The following RERE variants were observed in gnomAD, a reference collection of about 807,000 sequenced individuals.
The protein encoded by RERE is arginine-glutamic acid dipeptide repeats, also known as arginine-glutamic acid dipeptide repeats protein.
RERE carries 40 observed loss-of-function variants against 146.1 expected under a neutral mutation model. The observed-to-expected ratio is 0.27, with a 90% CI of 0.21 to 0.36. The LOEUF (loss-of-function observed/expected upper bound fraction) is 0.36. Among genes scored for constraint, RERE ranks in the 10% least tolerant of loss-of-function variants. The pLI is 1.00. For synonymous variants in RERE, 1,003 were observed against 866.0 expected, an observed-to-expected ratio of 1.16 and a Z score of -2.78; for missense variants, 1,933 against 2,138.7, an observed-to-expected ratio of 0.90 and a Z score of 1.90.
intron 1 of RERE, among the ~76,000 whole-genome samples, chr1:8,800,309 T>C (rs540662480): frequency 2.0e-5 from 3 of 151,376 alleles, no homozygotes; most frequent in African/African-American, 7.3e-5. Context: ...GAAATTGCAG[T>C]CTTTAAAGAG....
intron 1 of RERE, among the ~76,000 whole-genome samples, chr1:8,784,595 G>T (rs1305973337): frequency 6.6e-6 from 1 of 151,996 alleles, no homozygotes; most frequent in Non-Finnish European, 1.5e-5. Flanking sequence ...TCTTTTTCTG[G>T]AAACAGAATT....
chr1:8,681,801 T>A (rs1363181828), intron 1 of RERE, among the ~76,000 whole-genome samples: 1 of 152,186 alleles, frequency 6.6e-6, no homozygotes, highest in Non-Finnish European at 1.5e-5. Flanking sequence ...AGAAGTTTAA[T>A]CTTTAGTTGA....
intron 6 of RERE, among the ~76,000 whole-genome samples, chr1:8,547,952 C>A (rs1645885834): frequency 6.6e-6 from 1 of 152,066 alleles, no homozygotes. Flanking sequence ...CTAGGAACAA[C>A]GTAAATGCTC....
intron 1 of RERE, among the ~76,000 whole-genome samples, chr1:8,795,353 A>G (rs1028427159): frequency 6.6e-6 from 1 of 151,402 alleles, no homozygotes; most frequent in Admixed American, 6.6e-5. Flanking sequence ...TTTAGGAGAC[A>G]AAGTTTTCTA....
At chr1:8,775,157 C>T (rs930742523) in intron 1 of RERE, among the ~76,000 whole-genome samples, 3 of 151,806 alleles carry the variant, frequency 2.0e-5, no homozygotes, top group Non-Finnish European at 4.4e-5. Context: ...GACGGGGTTT[C>T]ACCATGTTGG....
At chr1:8,636,938 C>T (rs1301492544) in intron 2 of RERE, among the ~76,000 whole-genome samples, 3 of 152,136 alleles carry the variant, frequency 2.0e-5, no homozygotes, top group East Asian at 1.9e-4. Context: ...TCAGTATTTT[C>T]GGCCACTTTA....
intron 10 of RERE, among the ~76,000 whole-genome samples, chr1:8,475,390 AT>A (rs1266446499): frequency 2.5e-5 from 3 of 118,270 alleles, no homozygotes; most frequent in African/African-American, 9.5e-5. Flanking sequence ...AAAAAAAAAA[AT>A]TCTTGGCTGG....
intron 6 of RERE, among the ~76,000 whole-genome samples, chr1:8,550,237 A>G (rs546208211): frequency 6.6e-6 from 1 of 152,244 alleles, no homozygotes; most frequent in Non-Finnish European, 1.5e-5. Context: ...GGCAGACGGA[A>G]TATCTTACTG....
intron 11 of RERE, chr1:8,428,364 T>C (rs1192178893): frequency 6.6e-6 from 1 of 152,192 alleles, no homozygotes; most frequent in African/African-American, 2.4e-5. Context: ...AACAAGTCCT[T>C]TTCTGTTTGT....
chr1:8,458,227 T>G (rs1419556711), intron 11 of RERE, among the ~76,000 whole-genome samples: 2 of 152,152 alleles, frequency 1.3e-5, no homozygotes, highest in Non-Finnish European at 2.9e-5. Flanking sequence ...CAAGTCCCCT[T>G]GTGCCTTGTT....
intron 1 of RERE, among the ~76,000 whole-genome samples, chr1:8,717,913 G>C (rs1021554046): frequency 3.3e-5 from 5 of 152,196 alleles, no homozygotes; most frequent in Admixed American, 3.3e-4. Flanking sequence ...AGTCAACTAA[G>C]TAGGGGGAAA....
chr1:8,444,922 A>T (rs1469774921), intron 11 of RERE, among the ~76,000 whole-genome samples: 1 of 127,144 alleles, frequency 7.9e-6, no homozygotes, highest in African/African-American at 3.7e-5. Flanking sequence ...TCTTTATTTA[A>T]AAAAAAAAAA....
chr1:8,574,646 C>T (rs1197051532), intron 4 of RERE, among the ~76,000 whole-genome samples: 1 of 152,162 alleles, frequency 6.6e-6, no homozygotes, highest in African/African-American at 2.4e-5. Flanking sequence ...ATGAATTTCA[C>T]AAACATGCTA....
chr1:8,391,465 C>A (rs372003178), intron 12 of RERE, among the ~76,000 whole-genome samples: 7 of 152,162 alleles, frequency 4.6e-5, no homozygotes, highest in African/African-American at 1.4e-4. Flanking sequence ...CCACACACTC[C>A]AGCTACACTT....
chr1:8,592,583 C>A (rs1210623288), intron 4 of RERE, among the ~76,000 whole-genome samples: 7 of 150,610 alleles, frequency 4.6e-5, no homozygotes, highest in Non-Finnish European at 1.0e-4. Flanking sequence ...AAAAAAAAAT[C>A]TTTTAAAAGC....
chr1:8,525,707 A>C, intron 7 of RERE: 5 of 1,535,214 alleles, frequency 3.3e-6, no homozygotes, highest in Non-Finnish European at 4.4e-6. Context: ...GAAGTGAGAA[A>C]GAGCAGCAAA....
intron 4 of RERE, among the ~76,000 whole-genome samples, chr1:8,568,362 G>A (rs74050234): frequency 0.028 from 4,294 of 152,206 alleles, 176 homozygotes; most frequent in African/African-American, 0.097. Flanking sequence ...CAGCTTCCCC[G>A]CATCTCCAGC....
At chr1:8,542,599 G>T (rs1421634768) in intron 6 of RERE, among the ~76,000 whole-genome samples, 1 of 152,164 alleles carries the variant, frequency 6.6e-6, no homozygotes, top group East Asian at 1.9e-4. Flanking sequence ...ACGACAGGAG[G>T]ATTATTTGAG....
intron 1 of RERE, among the ~76,000 whole-genome samples, chr1:8,809,843 T>C (rs1162437181): frequency 6.6e-6 from 1 of 152,114 alleles, no homozygotes; most frequent in Non-Finnish European, 1.5e-5. Flanking sequence ...ATGGAAGTAA[T>C]AAACATTAAT....
Sources: gnomAD v4.1 joint callset for allele counts (sites outside exome capture counted in the v4.1 genomes callset) on GRCh38, gnomAD v4.1.1 for gene constraint, MANE v1.5 for transcripts, NCBI Gene and HGNC (gene_info 2026-07-23, HGNC 2026-07-21) for gene names.